Variants in BPIFB4 observed in about 807,000 individuals in gnomAD.
The protein encoded by BPIFB4 is BPI fold-containing family B member 4.
Under a neutral mutation model 69.2 loss-of-function variants are expected in BPIFB4, and 62 were observed. The ratio of observed to expected loss-of-function variants is 0.90; its 90% CI spans 0.73 to 1.11. BPIFB4 has a LOEUF of 1.11. BPIFB4 is among the 50% of genes least tolerant of loss of function. The pLI, the probability that BPIFB4 is intolerant of heterozygous loss-of-function variation, is 0.00. For synonymous variants in BPIFB4, 330 were observed against 332.7 expected (o/e 0.99, Z 0.09); for missense variants, 789 against 792.0 (o/e 1.00, Z 0.04).
chr20:33,084,061 T>A (rs984500594), intron 5 of BPIFB4, among the ~76,000 whole-genome samples, 187 bp downstream of exon 5: 1 of 152,178 alleles, frequency 6.6e-6, no homozygotes, highest in African/African-American at 2.4e-5. Flanking sequence ...GAAACAGTCC[T>A]AAGTTTGAGA....
At position 33,093,298 on chromosome 20, in the gene BPIFB4, T is replaced by C. The variant is rs561612713; in HGVS notation, c.1344+640T>C. Among the ~76,000 whole-genome samples the C allele has an allele frequency of 3.4e-5, 5 of 149,228 alleles. No homozygotes were observed. In the East Asian group the frequency reaches 1.0e-3, roughly 31 times the overall value. ...ATACATCCATCTATTTATTTATCCA[T>C]CCACCCATCCACCCACCCTCCCATT... is the stretch of plus-strand genomic sequence containing the variant. On this transcript the variant is annotated intron_variant, in intron 11 of 17. Coordinates refer to ENST00000375483, the MANE Select transcript of BPIFB4 (RefSeq NM_182519.3).
At chr20:33,109,888 C>T (rs927104948) in intron 17 of BPIFB4, among the ~76,000 whole-genome samples, 2 of 152,142 alleles carry the variant, frequency 1.3e-5, no homozygotes, top group Admixed American at 6.5e-5. Context: ...CTGTAAATGG[C>T]AGCTGCTATT....
At chr20:33,082,326 T>C (rs777050928) in intron 3 of BPIFB4, among the ~76,000 whole-genome samples, 1 of 59,614 alleles carries the variant, frequency 1.7e-5, no homozygotes, top group Non-Finnish European at 3.3e-5. Context: ...TAAGAAAGTT[T>C]ATTTTATTTT....
chr20:33,088,112 C>A (rs1309762240), intron 7 of BPIFB4, among the ~76,000 whole-genome samples: 2 of 152,030 alleles, frequency 1.3e-5, no homozygotes, highest in Non-Finnish European at 2.9e-5. Context: ...AATTCTTAGA[C>A]CAAAAATCTG....
chr20:33,111,329 C>A lies in BPIFB4; in HGVS notation c.1822-85C>A, dbSNP rs145466482. On this transcript the variant is annotated intron_variant, in intron 17 of 17. Coordinates refer to ENST00000375483, the MANE Select transcript of BPIFB4 (RefSeq NM_182519.3). ...AGTTACTGCTTCCTAGAAACATGAC[C>A]GGCCAGATCCGTAGGCAGGTGAGTA... 3 of 1,560,272 alleles carry A rather than the reference C, an allele frequency of 1.9e-6. No homozygotes were observed. The South Asian group carries it at 3.4e-5, about 17-fold the overall frequency.
chr20:33,090,865 G>A, intron 10 of BPIFB4, 66 bp downstream of exon 10: 2 of 1,586,908 alleles, frequency 1.3e-6, no homozygotes, highest in African/African-American at 2.7e-5. Context: ...TATCAGTGAG[G>A]CCCTCCCAGG....
intron 14 of BPIFB4, among the ~76,000 whole-genome samples, chr20:33,101,477 G>T (rs575237359): frequency 6.6e-6 from 1 of 152,190 alleles, no homozygotes; most frequent in Non-Finnish European, 1.5e-5. Context: ...TTCATAAAAA[G>T]AATAATTATT....
rs191092044 is a variant in BPIFB4 at position 33,090,816 on chromosome 20, C to T, written c.1143+17C>T. 19 of 1,613,858 alleles carry T rather than the reference C, an allele frequency of 1.2e-5. No individual in the cohort carries two copies. The Admixed American group carries it at 1.8e-4, about 16-fold the overall frequency. ...GACCTCAACGTGAGTGCCTGGGGTTCAGGGCAAAGGGTGGTGGCCCTCCTC... is the reference window on the plus strand; with the variant it reads ...GACCTCAACGTGAGTGCCTGGGGTTTAGGGCAAAGGGTGGTGGCCCTCCTC... On this transcript the variant is annotated intron_variant, in intron 10 of 17. Coordinates refer to ENST00000375483, the MANE Select transcript of BPIFB4 (RefSeq NM_182519.3).
chr20:33,085,963 T>A (rs112859084), intron 6 of BPIFB4, 58 bp from the exon 7 acceptor site: 9 of 1,555,094 alleles, frequency 5.8e-6, no homozygotes, highest in South Asian at 1.1e-5. Flanking sequence ...TGGGTAAGGG[T>A]GAGCTCCTGG....
chr20:33,092,090 G>T (rs1220452918), intron 10 of BPIFB4, among the ~76,000 whole-genome samples: 3 of 152,192 alleles, frequency 2.0e-5, no homozygotes, highest in Non-Finnish European at 4.4e-5. Context: ...CTTGGAGGCT[G>T]GAGAGGTCTC....
At position 33,111,683 on chromosome 20, in the gene BPIFB4, C is replaced by T; in HGVS notation, c.*246C>T. 1 of 526,938 alleles carries T rather than the reference C, an allele frequency of 1.9e-6. No homozygotes were observed. The highest frequency in any genetic ancestry group is 3.4e-6 in the Non-Finnish European group (1 of 292,206). The allele number at this position is 526,938 out of a possible 1,614,324, so 32.6% of individuals were successfully genotyped here. A position where few individuals can be genotyped will look rare whatever the true frequency, so the allele number is the denominator to read the frequency against. Reference sequence around the variant, plus strand: ...GGGGAGTCACCTTGGGGCTGGAGGCCTCTCAGACCCCATCCTGACAGCAGG... The same window carrying T: ...GGGGAGTCACCTTGGGGCTGGAGGCTTCTCAGACCCCATCCTGACAGCAGG... On this transcript the variant is annotated 3_prime_UTR_variant, in exon 18 of 18. Coordinates refer to ENST00000375483, the MANE Select transcript of BPIFB4 (RefSeq NM_182519.3).
chr20:33,097,850 T>C, intron 13 of BPIFB4, 63 bp downstream of exon 13: 3 of 1,483,112 alleles, frequency 2.0e-6, no homozygotes, highest in South Asian at 2.5e-5. Flanking sequence ...CATGGTCTCC[T>C]GGAGCCCAAA....
chr20:33,083,032 C>T (rs773140739), intron 4 of BPIFB4, 32 bp downstream of exon 4: 24 of 1,521,626 alleles, frequency 1.6e-5, no homozygotes, highest in African/African-American at 5.8e-5. Context: ...GTGGGCCTCT[C>T]CTGGGCGGTC....
In BPIFB4 at chr20:33,083,716, C is replaced by T. The variant is rs1426662674; in HGVS notation, c.519C>T (p.Gly173=). Residue 173 remains glycine, a synonymous_variant, in exon 5 of 18, where the codon GGC becomes GGT. Transcript: ENST00000375483. ...TGAVGPGGLL[G]TGGMLAADGI... The stretch of plus-strand genomic sequence containing the variant: ...CGGTGGGCCCAGGTGGTTTGCTGGG[C>T]ACTGGAGGCATGCTGGCAGCTGATG... 1.2e-6 allele frequency: 2 copies of T among 1,613,988 alleles called. No homozygotes were observed. Among genetic ancestry groups the T allele is most frequent in the Non-Finnish European group, 1.7e-6 (2 of 1,179,956 alleles).
Position 33,100,510 on chromosome 20 carries a change from C to A in BPIFB4, c.1637+17C>A. Reference sequence around the variant, plus strand: ...GCTGGAGAAGTAAGGGGCTATGCTGCCTTGGGGTCCTGACGGTGCTGGTGC... The same window carrying A: ...GCTGGAGAAGTAAGGGGCTATGCTGACTTGGGGTCCTGACGGTGCTGGTGC... On this transcript the variant is annotated intron_variant, in intron 14 of 17. Coordinates refer to ENST00000375483, the MANE Select transcript of BPIFB4 (RefSeq NM_182519.3). 1 of 1,600,550 alleles carries A rather than the reference C, an allele frequency of 6.2e-7. No individual in the cohort carries two copies. The highest frequency in any genetic ancestry group is 8.6e-7 in the Non-Finnish European group (1 of 1,167,914).
chr20:33,087,040 T>G (rs778314720), intron 7 of BPIFB4, among the ~76,000 whole-genome samples: 1 of 152,162 alleles, frequency 6.6e-6, no homozygotes, highest in Non-Finnish European at 1.5e-5. Flanking sequence ...CTGATTCCCG[T>G]GGGCTTCTTG....
Position 33,083,532 on chromosome 20 carries a change from A to T in BPIFB4, c.335A>T (p.Glu112Val), listed in dbSNP as rs750672344. ...KYRYGEILES[E>V]GSIRDLRNSG... ...CGATATGGTGAGATCCTTGAGTCCG[A>T]GGGAAGCATCAGGGACCTCCGAAAC... The change falls in exon 5 of 18, where the codon GAG (glutamate) becomes GTG (valine). Residue 112 changes from glutamate to valine, a missense_variant. This residue lies in a region of BPIFB4 where 611 missense variants were observed against 575.4 expected (regional missense o/e 1.06). Transcript: ENST00000375483. 3.7e-6 allele frequency: 6 copies of T among 1,613,962 alleles called. No individual in the cohort carries two copies. The Admixed American group carries it at 6.7e-5, about 18-fold the overall frequency.
chr20:33,109,173 C>T (rs1982162971), intron 17 of BPIFB4, among the ~76,000 whole-genome samples: 1 of 152,112 alleles, frequency 6.6e-6, no homozygotes, highest in South Asian at 2.1e-4. Context: ...ACGATAATGG[C>T]CACCTCATAC....
intron 16 of BPIFB4, among the ~76,000 whole-genome samples, chr20:33,106,404 A>C: frequency 7.5e-6 from 1 of 133,120 alleles, no homozygotes; most frequent in East Asian, 2.1e-4. Flanking sequence ...ATGGAGTCTC[A>C]CTCTGTGGCC....
Sources: gnomAD v4.1 joint callset for allele counts (sites outside exome capture counted in the v4.1 genomes callset) on GRCh38, gnomAD v4.1.1 for gene constraint, gnomAD v4.1.1 regional missense constraint, MANE v1.5 for transcripts, NCBI Gene and HGNC (gene_info 2026-07-23, HGNC 2026-07-21) for gene names.